GREB1L: variants seen among roughly 807,000 people sequenced by gnomAD.
GREB1L encodes the protein GREB1 like retinoic acid receptor coactivator, also known as GREB1-like protein.
GREB1L carries 17 observed loss-of-function variants against 200.8 expected under a neutral mutation model. That is an observed-to-expected ratio of 0.08 (90% confidence interval 0.06 to 0.13). The LOEUF (loss-of-function observed/expected upper bound fraction) is 0.13, where lower values mean the gene tolerates loss of function less well. GREB1L is among the 10% of genes least tolerant of loss of function. The pLI is 1.00. For synonymous variants in GREB1L, 789 were observed against 893.0 expected (o/e 0.88, Z 2.08); for missense variants, 1,657 against 2,367.7 (o/e 0.70, Z 6.23).
chr18:21,319,419 T>C (rs2038918974), intron 1 of GREB1L, among the ~76,000 whole-genome samples: 1 of 152,270 alleles, frequency 6.6e-6, no homozygotes, highest in Non-Finnish European at 1.5e-5. Flanking sequence ...AGTATGTTGA[T>C]AAATGTTAGG....
At chr18:21,494,839 A>G (rs1327589832) in intron 19 of GREB1L, among the ~76,000 whole-genome samples, 1 of 152,216 alleles carries the variant, frequency 6.6e-6, no homozygotes, top group Admixed American at 6.5e-5. Flanking sequence ...ACACATCTGT[A>G]AGATCATTTT....
intron 21 of GREB1L, among the ~76,000 whole-genome samples, chr18:21,497,723 A>C (rs778990066): frequency 7.3e-5 from 11 of 151,582 alleles, no homozygotes; most frequent in Admixed American, 1.3e-4. Context: ...AGTACAGAGA[A>C]TTCTGAGATT....
chr18:21,298,645 A>C (rs1298182949), intron 1 of GREB1L, among the ~76,000 whole-genome samples: 1 of 152,212 alleles, frequency 6.6e-6, no homozygotes, highest in African/African-American at 2.4e-5. Context: ...ATACTTTGCC[A>C]TATACATTTG....
At chr18:21,515,767 A>G in intron 29 of GREB1L, 123 bp downstream of exon 29, 1 of 730,904 alleles carries the variant, frequency 1.4e-6, no homozygotes. Flanking sequence ...TTATGTGGGC[A>G]AGGAGAAAGG....
At chr18:21,248,437 A>G (rs2037642923) in intron 1 of GREB1L, among the ~76,000 whole-genome samples, 1 of 152,248 alleles carries the variant, frequency 6.6e-6, no homozygotes, top group African/African-American at 2.4e-5. Flanking sequence ...CCCCTGAGTT[A>G]AATAATATGG....
At chr18:21,455,076 A>C (rs2034694096) in intron 15 of GREB1L, 1 of 153,652 alleles carries the variant, frequency 6.5e-6, no homozygotes, top group South Asian at 2.0e-4. Context: ...TAAAGAAAAA[A>C]AAATGTTTTT....
chr18:21,460,145 T>C (rs1475843584), intron 15 of GREB1L, among the ~76,000 whole-genome samples: 3 of 152,062 alleles, frequency 2.0e-5, no homozygotes, highest in Non-Finnish European at 4.4e-5. Context: ...AAATTCTTGT[T>C]TTGTTTTGTT....
In GREB1L at chr18:21,259,535, A is replaced by T. The variant is rs147714868; in HGVS notation, c.-120+17142A>T. 2.8e-3 allele frequency among the ~76,000 whole-genome samples: 422 copies of T among 152,274 alleles called. 7 individuals are homozygous for T. The highest frequency in any genetic ancestry group is 0.023 in the Admixed American group (355 of 15,288). On this transcript the variant is annotated intron_variant, in intron 1 of 32. Transcript: ENST00000424526. ...GTGACTTGTGGTTTTCTAGATTCAGATCTCATTTTATTCAAACCATGTTCC... is the reference window on the plus strand; with the variant it reads ...GTGACTTGTGGTTTTCTAGATTCAGTTCTCATTTTATTCAAACCATGTTCC...
chr18:21,247,154 A>G (rs1028052065), intron 1 of GREB1L, among the ~76,000 whole-genome samples: 1 of 151,184 alleles, frequency 6.6e-6, no homozygotes, highest in Admixed American at 6.6e-5. Context: ...GGTGACAGCA[A>G]CTCCTTCAAG....
At chr18:21,470,293 A>T (rs2035431652) in intron 15 of GREB1L, among the ~76,000 whole-genome samples, 2 of 151,728 alleles carry the variant, frequency 1.3e-5, no homozygotes, top group Admixed American at 6.6e-5. Context: ...GTCTCTTTAA[A>T]TTTTTTTTTA....
chr18:21,280,088 T>C (rs1210392383), intron 1 of GREB1L, among the ~76,000 whole-genome samples: 1 of 152,238 alleles, frequency 6.6e-6, no homozygotes, highest in African/African-American at 2.4e-5. Flanking sequence ...GTGTTGTACA[T>C]TGTATGGGTT....
At chr18:21,497,528 C>T (rs928477606) in intron 21 of GREB1L, among the ~76,000 whole-genome samples, 1 of 151,810 alleles carries the variant, frequency 6.6e-6, no homozygotes, top group African/African-American at 2.4e-5. Context: ...CCTGTAGTCC[C>T]AGCTACCCTG....
At chr18:21,332,443 C>T (rs938179356) in intron 1 of GREB1L, among the ~76,000 whole-genome samples, 17 of 151,814 alleles carry the variant, frequency 1.1e-4, no homozygotes, top group Admixed American at 2.0e-4. Flanking sequence ...AAACCAGTTC[C>T]GTTTATTTTC....
chr18:21,389,552 T>C (rs180971859), intron 4 of GREB1L, among the ~76,000 whole-genome samples: 1 of 152,238 alleles, frequency 6.6e-6, no homozygotes, highest in East Asian at 1.9e-4. Flanking sequence ...GATTGTGTAG[T>C]TTTCATTTTG....
chr18:21,486,422 C>T (rs2145820512), intron 18 of GREB1L, among the ~76,000 whole-genome samples: 1 of 151,956 alleles, frequency 6.6e-6, no homozygotes, highest in South Asian at 2.1e-4. Flanking sequence ...CAGACTTTGA[C>T]ATTTTTCCCT....
At position 21,495,790 on chromosome 18, in the gene GREB1L, A is replaced by T. The variant is rs766588086; in HGVS notation, c.3146+5A>T. 54 of 1,417,450 alleles carry T rather than the reference A, an allele frequency of 3.8e-5. No homozygotes were observed. Among genetic ancestry groups the T allele is most frequent in the Non-Finnish European group, 4.8e-5 (50 of 1,036,468 alleles). 87.8% of individuals were successfully genotyped at this position (1,417,450 alleles called of 1,614,324 possible). A position where few individuals can be genotyped will look rare whatever the true frequency, so the allele number is the denominator to read the frequency against. ...TCTTGGAGAAACCTTTCCCAGGTAC[A>T]GTTTCAATAATTAATTCCATTTTTC... On this transcript the variant is annotated splice_donor_5th_base_variant and intron_variant, in intron 20 of 32. Transcript: ENST00000424526.
intron 17 of GREB1L, among the ~76,000 whole-genome samples, chr18:21,478,175 TATGAAATGGG>T (rs1174518135): frequency 1.3e-5 from 2 of 152,174 alleles, no homozygotes; most frequent in African/African-American, 2.4e-5. Flanking sequence ...CAGTCTTCTG[TATGAAATGGG>T]ATGATGGCAC....
At chr18:21,310,174 A>G (rs956172906) in intron 1 of GREB1L, among the ~76,000 whole-genome samples, 1 of 152,230 alleles carries the variant, frequency 6.6e-6, no homozygotes, top group Non-Finnish European at 1.5e-5. Flanking sequence ...TAGACCATGT[A>G]TCCTGTCTAA....
intron 1 of GREB1L, among the ~76,000 whole-genome samples, chr18:21,364,776 C>T (rs2039637892): frequency 6.6e-6 from 1 of 151,222 alleles, no homozygotes; most frequent in Admixed American, 6.6e-5. Flanking sequence ...GTGAAGTGTG[C>T]AGCACGTGGC....
Sources: gnomAD v4.1 joint callset for allele counts (sites outside exome capture counted in the v4.1 genomes callset) on GRCh38, gnomAD v4.1.1 for gene constraint, MANE v1.5 for transcripts, NCBI Gene and HGNC (gene_info 2026-07-23, HGNC 2026-07-21) for gene names.